RNF180: variants seen among roughly 807,000 people sequenced by gnomAD.
RNF180 encodes ring finger protein 180, also known as E3 ubiquitin-protein ligase RNF180.
In RNF180, 38 loss-of-function variants were observed where a neutral mutation model predicts 59.2. The ratio of observed to expected loss-of-function variants is 0.64; its 90% CI spans 0.50 to 0.84. RNF180 has a LOEUF of 0.84. RNF180 is among the 40% of genes least tolerant of loss of function. RNF180 has a pLI of 0.00. For missense variants in RNF180, 705 were observed against 700.9 expected, an observed-to-expected ratio of 1.01 and a Z score of -0.07; for synonymous variants, 262 against 240.3, an observed-to-expected ratio of 1.09 and a Z score of -0.84.
intron 5 of RNF180, among the ~76,000 whole-genome samples, chr5:64,273,572 T>C (rs79682367): frequency 0.022 from 3,331 of 152,076 alleles, 92 homozygotes; most frequent in African/African-American, 0.056. Context: ...GTAACACCTA[T>C]TTCAAGATAT....
intron 7 of RNF180, among the ~76,000 whole-genome samples, chr5:64,331,192 CT>C (rs1744891462): frequency 6.6e-6 from 1 of 152,234 alleles, no homozygotes; most frequent in African/African-American, 2.4e-5. Flanking sequence ...TCAGCGCAAC[CT>C]GCATACACCG....
At chr5:64,304,620 T>A (rs963586263) in intron 5 of RNF180, among the ~76,000 whole-genome samples, 3 of 151,776 alleles carry the variant, frequency 2.0e-5, no homozygotes, top group Non-Finnish European at 4.4e-5. Context: ...AATCTCATGA[T>A]ACAATTTGAA....
chr5:64,310,311 T>A (rs1743699321), intron 5 of RNF180, among the ~76,000 whole-genome samples: 1 of 151,792 alleles, frequency 6.6e-6, no homozygotes, highest in South Asian at 2.1e-4. Flanking sequence ...TCACAATTAC[T>A]TTCATTTCAG....
intron 1 of RNF180, among the ~76,000 whole-genome samples, chr5:64,166,956 T>A (rs555228839): frequency 2.6e-5 from 4 of 152,298 alleles, no homozygotes; most frequent in African/African-American, 9.6e-5. Flanking sequence ...AAAAATAGAG[T>A]CAATTCCTTT....
chr5:64,170,320 G>C (rs1253396567), intron 1 of RNF180, among the ~76,000 whole-genome samples: 1 of 152,160 alleles, frequency 6.6e-6, no homozygotes, highest in Non-Finnish European at 1.5e-5. Context: ...ATTTGGACTT[G>C]GTTCTTGTAT....
intron 5 of RNF180, among the ~76,000 whole-genome samples, chr5:64,291,583 C>A (rs960827342): frequency 7.1e-6 from 1 of 140,150 alleles, no homozygotes; most frequent in Admixed American, 7.1e-5. Flanking sequence ...CACCACCGCA[C>A]CCGGCTAATT....
At chr5:64,179,141 A>G (rs1258986720) in intron 1 of RNF180, among the ~76,000 whole-genome samples, 1 of 152,118 alleles carries the variant, frequency 6.6e-6, no homozygotes, top group East Asian at 1.9e-4. Context: ...AATGTTTCAT[A>G]TTTTTCATAT....
At chr5:64,175,763 A>G (rs746792605) in intron 1 of RNF180, among the ~76,000 whole-genome samples, 1 of 152,090 alleles carries the variant, frequency 6.6e-6, no homozygotes. Flanking sequence ...ATATATTTGC[A>G]TCCTCTTCAA....
intron 7 of RNF180, among the ~76,000 whole-genome samples, chr5:64,347,514 A>G (rs748898456): frequency 6.6e-6 from 1 of 152,112 alleles, no homozygotes; most frequent in African/African-American, 2.4e-5. Context: ...CTTTTTTGCC[A>G]GCTGGTGGAG....
intron 5 of RNF180, among the ~76,000 whole-genome samples, chr5:64,292,195 G>A (rs190721341): frequency 3.7e-4 from 57 of 152,264 alleles, no homozygotes; most frequent in African/African-American, 1.3e-3. Flanking sequence ...CGGTCATTTG[G>A]AGTAGAAAAG....
intron 5 of RNF180, among the ~76,000 whole-genome samples, chr5:64,299,898 A>G (rs1418611662): frequency 6.6e-6 from 1 of 151,840 alleles, no homozygotes; most frequent in African/African-American, 2.4e-5. Context: ...TCCATGTAGC[A>G]TGGTAAAACC....
intron 1 of RNF180, among the ~76,000 whole-genome samples, chr5:64,170,492 A>T (rs759604917): frequency 7.2e-5 from 11 of 152,172 alleles, no homozygotes; most frequent in Non-Finnish European, 1.5e-4. Flanking sequence ...TTATGTAAAG[A>T]TTTGGGTTTG....
chr5:64,369,431 G>A (rs534119276), intron 7 of RNF180, among the ~76,000 whole-genome samples, 184 bp from the exon 8 acceptor site: 11 of 150,996 alleles, frequency 7.3e-5, no homozygotes, highest in East Asian at 2.0e-4. Context: ...TGCACATTGT[G>A]CACATGTACC....
chr5:64,215,473 A>G (rs1222811048), intron 4 of RNF180, among the ~76,000 whole-genome samples: 2 of 152,180 alleles, frequency 1.3e-5, no homozygotes, highest in African/African-American at 2.4e-5. Flanking sequence ...TGTTTTTGTC[A>G]TCTTTCAGTT....
At chr5:64,185,982 A>G (rs1205092020) in intron 1 of RNF180, among the ~76,000 whole-genome samples, 1 of 152,212 alleles carries the variant, frequency 6.6e-6, no homozygotes, top group African/African-American at 2.4e-5. Flanking sequence ...AAGTAAGTAA[A>G]CAAGCCCAAG....
chr5:64,357,096 T>G (rs1265756533), intron 7 of RNF180, among the ~76,000 whole-genome samples: 1 of 151,858 alleles, frequency 6.6e-6, no homozygotes, highest in Non-Finnish European at 1.5e-5. Flanking sequence ...TTATAAACTA[T>G]ATTGAAATTT....
At chr5:64,271,769 G>C (rs80103222) in intron 5 of RNF180, among the ~76,000 whole-genome samples, 3 of 151,526 alleles carry the variant, frequency 2.0e-5, no homozygotes, top group Non-Finnish European at 1.5e-5. Context: ...TTTATTTAAA[G>C]AAACAATTAG....
chr5:64,367,284 G>GAACA lies in RNF180; in HGVS notation c.1580-2326_1580-2323dup, dbSNP rs1344851924. Among the ~76,000 whole-genome samples, 6 of 151,322 alleles carry GAACA rather than the reference G, an allele frequency of 4.0e-5. No individual in the cohort carries two copies. The South Asian group carries it at 8.3e-4, about 21-fold the overall frequency. On this transcript the variant is annotated intron_variant, in intron 7 of 7. Transcript: ENST00000389100. ...ACATGAAAGTAAAACCCAAATGGTA[G>GAACA]AACAAACATACAAGAGAAAAAATAC...
chr5:64,180,423 A>T (rs984132502), intron 1 of RNF180, among the ~76,000 whole-genome samples: 1 of 152,200 alleles, frequency 6.6e-6, no homozygotes, highest in African/African-American at 2.4e-5. Flanking sequence ...ATGAATTTTT[A>T]AAAAATTATG....
Sources: gnomAD v4.1 joint callset for allele counts (sites outside exome capture counted in the v4.1 genomes callset) on GRCh38, gnomAD v4.1.1 for gene constraint, MANE v1.5 for transcripts, NCBI Gene and HGNC (gene_info 2026-07-23, HGNC 2026-07-21) for gene names.